The following CENPE variants were observed in gnomAD, a reference collection of about 807,000 sequenced individuals.
CENPE encodes centromere protein E.
A neutral mutation model predicts 336.1 loss-of-function variants in CENPE; 145 were observed. The ratio of observed to expected loss-of-function variants is 0.43; its 90% CI spans 0.38 to 0.50. CENPE has a LOEUF of 0.50. Ranked by LOEUF, CENPE falls within the 20% of genes least tolerant of loss-of-function variation. The pLI is 0.00. For missense variants in CENPE, 2,719 were observed against 3,023.3 expected, an observed-to-expected ratio of 0.90 and a Z score of 2.36; for synonymous variants, 1,013 against 984.8, an observed-to-expected ratio of 1.03 and a Z score of -0.54.
intron 16 of CENPE, among the ~76,000 whole-genome samples, chr4:103,166,511 CTT>C (rs1457151197): frequency 6.6e-6 from 1 of 152,140 alleles, no homozygotes; most frequent in African/African-American, 2.4e-5. Flanking sequence ...AACTTATAGA[CTT>C]TTACCTCTTT....
intron 13 of CENPE, 86 bp downstream of exon 13, chr4:103,180,225 G>A: frequency 1.7e-6 from 2 of 1,205,948 alleles, no homozygotes; most frequent in Non-Finnish European, 2.3e-6. Context: ...TCAAAGGATA[G>A]AAAGTGCATA....
chr4:103,142,293 G>A (rs1458413603), intron 34 of CENPE, among the ~76,000 whole-genome samples: 1 of 152,138 alleles, frequency 6.6e-6, no homozygotes, highest in Non-Finnish European at 1.5e-5. Context: ...ATATATGTAG[G>A]CTAAAGTCCG....
chr4:103,196,868 C>A lies in CENPE; in HGVS notation c.57-18G>T. 8.0e-7 allele frequency: 1 copy of A among 1,255,978 alleles called. No individual in the cohort carries two copies. The allele number at this position is 1,255,978 out of a possible 1,614,324, so 77.8% of individuals were successfully genotyped here. On this transcript the variant is annotated intron_variant, in intron 1 of 48. Coordinates refer to ENST00000265148, the MANE Select transcript of CENPE (RefSeq NM_001813.3). ...ATTCTTCTCTAAAAGAATAAAAACA[C>A]CGCATTTTAACCAGTCATAAAAGTC...
intron 45 of CENPE, among the ~76,000 whole-genome samples, chr4:103,116,066 C>A (rs1267045577): frequency 6.6e-6 from 1 of 152,030 alleles, no homozygotes; most frequent in Non-Finnish European, 1.5e-5. Context: ...TTATGCTATA[C>A]CACAAAGAAT....
chr4:103,182,660 G>A, intron 11 of CENPE, 102 bp downstream of exon 11: 2 of 926,668 alleles, frequency 2.2e-6, no homozygotes, highest in Non-Finnish European at 1.6e-6. Context: ...GATTATAACA[G>A]GCGAGTTAAT....
At position 103,145,168 on chromosome 4, in the gene CENPE, T is replaced by C. The variant is rs766249732; in HGVS notation, c.4739A>G (p.Glu1580Gly). The change falls in exon 32 of 49, where the codon GAA becomes GGA. Residue 1580 changes from glutamate to glycine, a missense_variant. This residue lies in a region of CENPE where 2,437 missense variants were observed against 2,513.3 expected (regional missense o/e 0.97). Coordinates refer to ENST00000265148, the MANE Select transcript of CENPE (RefSeq NM_001813.3). ...CATAATTTGTATTTCTTCTTGACTT[T>C]CTTGAAGTCTGTTGGTCAACTCGAG... is the stretch of plus-strand genomic sequence containing the variant. ...KMLELTNRLQ[E>G]SQEEIQIMIK... 3 of 1,613,328 alleles carry C rather than the reference T, an allele frequency of 1.9e-6. No individual in the cohort carries two copies. In the Admixed American group the frequency reaches 5.0e-5, roughly 27 times the overall value.
intron 37 of CENPE, 22 bp downstream of exon 37, chr4:103,140,234 A>T (rs1471212750): frequency 1.3e-6 from 2 of 1,571,788 alleles, no homozygotes; most frequent in African/African-American, 2.8e-5. Context: ...TACTTCCAAA[A>T]GAAGAACAAA....
Position 103,121,235 on chromosome 4 carries a change from C to T in CENPE, c.7144-902G>A, listed in dbSNP as rs1171238398. ...ATAGTTTCTAAAAATAGTATACACA[C>T]AATATACTAAATATAGTTCTGCTTT... On this transcript the variant is annotated intron_variant, in intron 43 of 48. Coordinates refer to ENST00000265148, the MANE Select transcript of CENPE (RefSeq NM_001813.3). Among the ~76,000 whole-genome samples, 8 of 152,202 alleles carry T rather than the reference C, an allele frequency of 5.3e-5. No individual in the cohort carries two copies. In the South Asian group the frequency reaches 1.5e-3, roughly 28 times the overall value.
rs1752928348 is a variant in CENPE at position 103,145,262 on chromosome 4, C to G, written c.4645G>C (p.Glu1549Gln). 9.3e-6 allele frequency: 15 copies of G among 1,611,890 alleles called. No individual in the cohort carries two copies. Among genetic ancestry groups the G allele is most frequent in the Non-Finnish European group, 1.3e-5 (15 of 1,178,460 alleles). ...CGATGCTCCTTGAATTGTTTCAGTT[C>G]ATTCACTTTTTCCTGAACCTCACTA... Reference protein sequence around the residue: ...QISEVQEKVNELKQFKEHRKA... With the variant: ...QISEVQEKVNQLKQFKEHRKA... Residue 1549 changes from glutamate (E) to glutamine (Q), a missense_variant, in exon 32 of 49, where the codon GAA (glutamate) becomes CAA (glutamine). By Grantham distance (29) the Glu-to-Gln change is conservative. Coordinates refer to ENST00000265148, the MANE Select transcript of CENPE (RefSeq NM_001813.3).
intron 34 of CENPE, among the ~76,000 whole-genome samples, chr4:103,142,805 C>T (rs540090414): frequency 9.9e-5 from 15 of 151,894 alleles, no homozygotes; most frequent in East Asian, 1.9e-4. Context: ...GTCAGGAGAT[C>T]GAGACCACCC....
At chr4:103,124,132 T>C (rs548393225) in intron 42 of CENPE, among the ~76,000 whole-genome samples, 1 of 152,304 alleles carries the variant, frequency 6.6e-6, no homozygotes, top group Admixed American at 6.5e-5. Flanking sequence ...ACAGAATACA[T>C]AGGGTTTGGT....
At chr4:103,111,568 G>A (rs962846013) in intron 46 of CENPE, among the ~76,000 whole-genome samples, 1 of 152,222 alleles carries the variant, frequency 6.6e-6, no homozygotes, top group African/African-American at 2.4e-5. Context: ...AGATAGTTAT[G>A]AAGTGGATTA....
chr4:103,106,314 C>T lies in CENPE; in HGVS notation c.8014G>A (p.Val2672Met), dbSNP rs1444967632. 6.3e-7 allele frequency: 1 copy of T among 1,582,090 alleles called. No homozygotes were observed. The highest frequency in any genetic ancestry group is 8.6e-7 in the Non-Finnish European group (1 of 1,161,814). The stretch of plus-strand genomic sequence containing the variant: ...ACACTCTCTGCTCCTGCATTTTGCA[C>T]CTCTGAGAAAGAAAATGAAAACAAC... ...DNSSLGLCPEVQNAGAESVDS... is the reference protein window; with the variant it reads ...DNSSLGLCPEMQNAGAESVDS... The change falls in exon 49 of 49, where the codon GTG becomes ATG. Residue 2672 changes from valine (V) to methionine (M), a missense_variant and splice_region_variant. Transcript: ENST00000265148.
chr4:103,180,493 T>C (rs772476278), intron 12 of CENPE, 24 bp from the exon 13 acceptor site: 11 of 1,538,890 alleles, frequency 7.1e-6, no homozygotes, highest in Non-Finnish European at 9.7e-6. Context: ...TATTGGATTA[T>C]GTTAATAATA....
chr4:103,181,383 T>C lies in CENPE; in HGVS notation c.1037A>G (p.Lys346Arg). ...NEVSTDEALLKRYRKEIMDLK... is the reference protein window; with the variant it reads ...NEVSTDEALLRRYRKEIMDLK... ...ATCCATTATTTCTTTTCTATACCTT[T>C]TCAGGAGAGCTTCATCAGTTGATAC... Residue 346 changes from lysine (K) to arginine (R), a missense_variant, in exon 12 of 49, where the codon AAA (lysine) becomes AGA (arginine). This residue lies in a region of CENPE where 117 missense variants were observed against 215.8 expected (regional missense o/e 0.54). Transcript: ENST00000265148. 1 of 1,565,298 alleles carries C rather than the reference T, an allele frequency of 6.4e-7. No homozygotes were observed. Among genetic ancestry groups the C allele is most frequent in the South Asian group, 1.2e-5 (1 of 86,074 alleles).
chr4:103,189,314 C>A (rs1419696849), intron 8 of CENPE, among the ~76,000 whole-genome samples: 1 of 152,138 alleles, frequency 6.6e-6, no homozygotes, highest in East Asian at 1.9e-4. Flanking sequence ...ATCCTGAAAC[C>A]AAAGCCTGGC....
intron 42 of CENPE, among the ~76,000 whole-genome samples, chr4:103,131,085 T>C (rs1316380234): frequency 6.6e-6 from 1 of 152,090 alleles, no homozygotes; most frequent in Non-Finnish European, 1.5e-5. Flanking sequence ...AAGAAATAAT[T>C]GATAAGCTAG....
chr4:103,194,835 A>G lies in CENPE; in HGVS notation c.478-151T>C, dbSNP rs534507206. ...CTGTAGGAATGTAACAAATAATTCT[A>G]TGAATACCCACAATTTATTTCACAT... On this transcript the variant is annotated intron_variant, in intron 5 of 48. Transcript: ENST00000265148. 1.3e-5 allele frequency: 8 copies of G among 621,332 alleles called. No homozygotes were observed. In the South Asian group the frequency reaches 2.0e-4, roughly 16 times the overall value. The allele number at this position is 621,332 out of a possible 1,614,324, so 38.5% of individuals were successfully genotyped here.
chr4:103,125,263 T>G (rs1460940776), intron 42 of CENPE, among the ~76,000 whole-genome samples: 1 of 152,204 alleles, frequency 6.6e-6, no homozygotes, highest in Non-Finnish European at 1.5e-5. Context: ...ATAAAATGTA[T>G]TTTGGAAACT....
Sources: allele counts gnomAD v4.1 joint callset (sites outside exome capture counted in the v4.1 genomes callset), GRCh38; gene constraint gnomAD v4.1.1; regional missense constraint gnomAD v4.1.1; transcripts MANE v1.5; gene names NCBI Gene and HGNC (gene_info 2026-07-23, HGNC 2026-07-21).